The following THBS3 variants were observed in gnomAD, a reference collection of about 807,000 sequenced individuals.
THBS3 encodes thrombospondin 3.
THBS3 carries 78 observed loss-of-function variants against 118.3 expected under a neutral mutation model. The observed-to-expected ratio is 0.66, with a 90% confidence interval of 0.55 to 0.80. THBS3 has a LOEUF of 0.80. Among genes scored for constraint, THBS3 ranks in the 30% least tolerant of loss-of-function variants. THBS3 has a pLI of 0.00. For synonymous variants in THBS3, 427 were observed against 475.3 expected (o/e 0.90, Z 1.32); for missense variants, 1,057 against 1,247.4 (o/e 0.85, Z 2.30).
At chr1:155,208,557 G>A, upstream of THBS3, 1 of 458,496 alleles carries the variant, frequency 2.2e-6, no homozygotes, top group Non-Finnish European at 3.8e-6. Flanking sequence ...GAAGACCAGG[G>A]GTACAGGCGA....
chr1:155,200,277 G>A lies in THBS3; in HGVS notation c.1709-164C>T, dbSNP rs1234427338. The A allele has an allele frequency of 4.5e-5, 45 of 989,458 alleles. No individual in the cohort carries two copies. The South Asian group carries it at 4.6e-4, about 10-fold the overall frequency. The allele number at this position is 989,458 out of a possible 1,614,324, so 61.3% of individuals were successfully genotyped here. A position where few individuals can be genotyped will look rare whatever the true frequency, so the allele number is the denominator to read the frequency against. The stretch of plus-strand genomic sequence containing the variant: ...TAGTCCACACTCTGCCTAACACTAC[G>A]CCCTACCTCACATTCCTATTGACAT... On this transcript the variant is annotated intron_variant, in intron 14 of 22. Transcript: ENST00000368378.
At position 155,202,125 on chromosome 1, in the gene THBS3, C is replaced by G; in HGVS notation, c.1099-91G>C. ...CTGGTATGGCCTTATCTGTGAACAT[C>G]AACATTAAGCCCAGACCCAAAGCCG... On this transcript the variant is annotated intron_variant, in intron 9 of 22. Transcript: ENST00000368378. The surrounding 1 kb of genome is among the most constrained non-coding windows in gnomAD (Gnocchi z 5.5). The G allele has an allele frequency of 6.2e-7, 1 of 1,607,306 alleles. No homozygotes were observed. The highest frequency in any genetic ancestry group is 8.5e-7 in the Non-Finnish European group (1 of 1,175,586).
chr1:155,201,580 A>G lies in THBS3; in HGVS notation c.1177-11T>C. Reference sequence around the variant, plus strand: ...ACACTTGAAAGAGCCCTAAGAGTGGAGAGGCAGCATCTTAGGAAGGAGGGT... The same window carrying G: ...ACACTTGAAAGAGCCCTAAGAGTGGGGAGGCAGCATCTTAGGAAGGAGGGT... On this transcript the variant is annotated splice_polypyrimidine_tract_variant and intron_variant, in intron 10 of 22. Transcript: ENST00000368378. The G allele has an allele frequency of 6.2e-7, 1 of 1,612,438 alleles. No homozygotes were observed. The highest frequency in any genetic ancestry group is 1.7e-4 in the Middle Eastern group (1 of 6,060).
rs749913473 is a variant in THBS3, at chr1:155,200,467, G to A, written c.1692C>T (p.Asn564=). The A allele has an allele frequency of 4.4e-5, 71 of 1,613,984 alleles. No homozygotes were observed. In the East Asian group the frequency reaches 1.0e-3, roughly 24 times the overall value. Residue 564 remains asparagine (N), a synonymous_variant, in exon 14 of 23, where the codon AAC becomes AAT. Coordinates refer to ENST00000368378, the MANE Select transcript of THBS3 (RefSeq NM_007112.5). ...DGNGEGDACD[N]DVDGDGIPNG... is the part of the protein sequence containing the mutation. ...GGCCTGCACCATCCCCATCCACGTC[G>A]TTGTCACAGGCATCTCCTTCCCCAT...
chr1:155,203,485 C>T (rs140512182), intron 5 of THBS3, 28 bp downstream of exon 5: 10 of 1,612,844 alleles, frequency 6.2e-6, no homozygotes, highest in South Asian at 1.1e-5. Flanking sequence ...CCCCGCTCCC[C>T]GCTTCCGCTT....
Position 155,201,501 on chromosome 1 carries a change from G to A in THBS3, c.1245C>T (p.Ala415=). 2 of 1,613,766 alleles carry A rather than the reference G, an allele frequency of 1.2e-6. No homozygotes were observed. Among genetic ancestry groups the A allele is most frequent in the Middle Eastern group, 3.3e-4 (2 of 6,062 alleles). ...LGNQSQGCLP[A]RTCHSPAHSP... is the part of the protein sequence containing the mutation. ...TGTGGGCTGGGCTGTGGCAGGTCCG[G>A]GCTGGGAGGCAGCCCTGGCTCTGGT... The change falls in exon 11 of 23, where the codon GCC becomes GCT. Residue 415 remains alanine (A), a synonymous_variant. Transcript: ENST00000368378.
rs142608917 is a variant in THBS3 at position 155,202,392 on chromosome 1, C to T, written c.967G>A (p.Ala323Thr). 3.4e-5 allele frequency: 55 copies of T among 1,613,728 alleles called. No homozygotes were observed. Among genetic ancestry groups the T allele is most frequent in the African/African-American group, 1.6e-4 (12 of 74,918 alleles). The change falls in exon 9 of 23, where the codon GCT (alanine) becomes ACT (threonine). Residue 323 changes from alanine (A) to threonine (T), a missense_variant. Ala to Thr is a moderately conservative substitution (Grantham distance 58). This residue lies in a region of THBS3 where 544 missense variants were observed against 715.6 expected (regional missense o/e 0.76). Coordinates refer to ENST00000368378, the MANE Select transcript of THBS3 (RefSeq NM_007112.5). This position sits in a 1 kb window ranked among gnomAD's most constrained non-coding sequence, Gnocchi z 5.5. Reference protein sequence around the residue: ...HCSDINECAHADPCFPGSSCI... With the variant: ...HCSDINECAHTDPCFPGSSCI... ...CTGGAGCCCGGGAAACAGGGGTCAG[C>T]GTGAGCACACTGGGGACCAGATGAG...
At chr1:155,196,456 C>A (rs949609400) in intron 21 of THBS3, 2 of 351,864 alleles carry the variant, frequency 5.7e-6, no homozygotes, top group Non-Finnish European at 1.0e-5. Flanking sequence ...CTTTTATCCC[C>A]TGTCCTGGCA....
At chr1:155,208,852 C>CTTG (rs779029977), upstream of THBS3, 1 of 1,599,538 alleles carries the variant, frequency 6.3e-7, no homozygotes, top group South Asian at 1.1e-5. Flanking sequence ...GGACGAGCCC[C>CTTG]AAGGGGCCCT....
Position 155,196,017 on chromosome 1 carries a change from TTA to T in THBS3, c.2780_2781del (p.Ile927AsnfsTer11). 1 of 1,614,194 alleles carries T rather than the reference TTA, an allele frequency of 6.2e-7. No homozygotes were observed. The highest frequency in any genetic ancestry group is 8.5e-7 in the Non-Finnish European group (1 of 1,180,022). On this transcript the variant is annotated frameshift_variant, in exon 22 of 23. Coordinates refer to ENST00000368378, the MANE Select transcript of THBS3 (RefSeq NM_007112.5). LOFTEE classifies it high-confidence loss of function. Reference protein sequence around the residue: ...LGVFCFSQENIIWSNLQYRCN... With the variant: ...LGVFCFSQENXIWSNLQYRCN... ...CATCGATACTGGAGATTGGACCAAA[TTA>T]TGTTTTCTTGGGAGAAGCAGAATAC...
chr1:155,200,534 C>T lies in THBS3; in HGVS notation c.1625G>A (p.Cys542Tyr), dbSNP rs1669536529. Reference protein sequence around the residue: ...TDSFGDACDNCPNVPNNDQKD... With the variant: ...TDSFGDACDNYPNVPNNDQKD... ...CTGGTCATTGTTGGGAACGTTGGGG[C>T]AATTGTCACAGGCATCACCAAATGA... The change falls in exon 14 of 23, where the codon TGC becomes TAC. Residue 542 changes from cysteine to tyrosine, a missense_variant. Around this residue, in one of 3 missense-constraint regions of THBS3, gnomAD observed 544 missense variants for 715.6 expected, o/e 0.76. Transcript: ENST00000368378. 1 of 1,613,904 alleles carries T rather than the reference C, an allele frequency of 6.2e-7. No homozygotes were observed. The highest frequency in any genetic ancestry group is 1.3e-5 in the African/African-American group (1 of 74,888).
Position 155,201,203 on chromosome 1 carries a change from C to T in THBS3, c.1331G>A (p.Cys444Tyr). Reference sequence around the variant, plus strand: ...CCCATTCCCAGCCCAGCCCACGTTACACTAGGGCAACACAAAGGGTAGGAG... The same window carrying T: ...CCCATTCCCAGCCCAGCCCACGTTATACTAGGGCAACACAAAGGGTAGGAG... The part of the protein sequence containing the change: ...FERNGAVSCQ[C>Y]NVGWAGNGNV... The change falls in exon 12 of 23, where the codon TGT becomes TAT. Residue 444 changes from cysteine to tyrosine, a missense_variant and splice_region_variant. Physicochemically the swap from Cys to Tyr is radical, Grantham distance 194. This residue lies in a region of THBS3 where 544 missense variants were observed against 715.6 expected (regional missense o/e 0.76). Coordinates refer to ENST00000368378, the MANE Select transcript of THBS3 (RefSeq NM_007112.5). 1 of 1,614,106 alleles carries T rather than the reference C, an allele frequency of 6.2e-7. No homozygotes were observed. Among genetic ancestry groups the T allele is most frequent in the Non-Finnish European group, 8.5e-7 (1 of 1,180,024 alleles).
rs756915730 is a variant in THBS3, at chr1:155,197,245, C to A, written c.2500-32G>T. On this transcript the variant is annotated intron_variant, in intron 20 of 22. Coordinates refer to ENST00000368378, the MANE Select transcript of THBS3 (RefSeq NM_007112.5). This position sits in a 1 kb window ranked among gnomAD's most constrained non-coding sequence, Gnocchi z 5.0. Reference sequence around the variant, plus strand: ...GACATTGGCAAAGACAGTGGGTCAACTGCAGAACTGGAGTGAGGGGAGACA... The same window carrying A: ...GACATTGGCAAAGACAGTGGGTCAAATGCAGAACTGGAGTGAGGGGAGACA... 5 of 1,605,946 alleles carry A rather than the reference C, an allele frequency of 3.1e-6. No individual in the cohort carries two copies. Among genetic ancestry groups the A allele is most frequent in the Non-Finnish European group, 4.3e-6 (5 of 1,173,378 alleles).
chr1:155,197,186 C>T lies in THBS3; in HGVS notation c.2527G>A (p.Glu843Lys), dbSNP rs1668816520. 4 of 1,614,118 alleles carry T rather than the reference C, an allele frequency of 2.5e-6. No homozygotes were observed. The highest frequency in any genetic ancestry group is 1.3e-5 in the African/African-American group (1 of 75,040). The part of the protein sequence containing the change: ...KAVTSVSGPG[E>K]HLRNALWHTG... Reference sequence around the variant, plus strand: ...TGCCACAGGGCATTTCGGAGGTGCTCACCTGGGCCAGACACTGATGTCACT... The same window carrying T: ...TGCCACAGGGCATTTCGGAGGTGCTTACCTGGGCCAGACACTGATGTCACT... The change falls in exon 21 of 23, where the codon GAG (glutamate) becomes AAG (lysine). Residue 843 changes from glutamate to lysine, a missense_variant. Physicochemically the swap from Glu to Lys is moderately conservative, Grantham distance 56. Around this residue, in one of 3 missense-constraint regions of THBS3, gnomAD observed 307 missense variants for 326.1 expected, o/e 0.94. Transcript: ENST00000368378. This position sits in a 1 kb window ranked among gnomAD's most constrained non-coding sequence, Gnocchi z 5.0.
upstream of THBS3, among the ~76,000 whole-genome samples, chr1:155,208,333 G>T (rs919162968): frequency 6.6e-6 from 1 of 152,220 alleles, no homozygotes; most frequent in African/African-American, 2.4e-5. Flanking sequence ...ATGCCCACAT[G>T]GCATGAATTT....
rs768801703 is a variant in THBS3, at chr1:155,202,354, G to C, written c.1005C>G (p.Thr335=). The C allele has an allele frequency of 3.7e-6, 6 of 1,614,074 alleles. No individual in the cohort carries two copies. In the South Asian group the frequency reaches 5.5e-5, roughly 15 times the overall value. Residue 335 remains threonine (T), a synonymous_variant, in exon 9 of 23, where the codon ACC becomes ACG. Coordinates refer to ENST00000368378, the MANE Select transcript of THBS3 (RefSeq NM_007112.5). This position sits in a 1 kb window ranked among gnomAD's most constrained non-coding sequence, Gnocchi z 5.5. ...PCFPGSSCIN[T]MPGFHCEACP... Reference sequence around the variant, plus strand: ...AGGCCTCACAGTGGAAGCCGGGCATGGTGTTGATGCAGCTGGAGCCCGGGA... The same window carrying C: ...AGGCCTCACAGTGGAAGCCGGGCATCGTGTTGATGCAGCTGGAGCCCGGGA...
At position 155,202,980 on chromosome 1, in the gene THBS3, AG is replaced by A; in HGVS notation, c.809-21del. ...GGAAGCCTGAGGGGTGGACACAGTC[AG>A]AGCTACCCGGTGGTCACTATTTAAG... On this transcript the variant is annotated intron_variant, in intron 7 of 22. Coordinates refer to ENST00000368378, the MANE Select transcript of THBS3 (RefSeq NM_007112.5). The surrounding 1 kb of genome is among the most constrained non-coding windows in gnomAD (Gnocchi z 5.5). 1 of 1,613,858 alleles carries A rather than the reference AG, an allele frequency of 6.2e-7. No individual in the cohort carries two copies. The highest frequency in any genetic ancestry group is 1.1e-5 in the South Asian group (1 of 91,078).
At chr1:155,208,694 C>A (rs373663022), upstream of THBS3, 18 of 1,174,614 alleles carry the variant, frequency 1.5e-5, no homozygotes, top group Admixed American at 6.0e-5. Flanking sequence ...TCCCCTCCCC[C>A]ACCCAAGCCC....
Position 155,201,561 on chromosome 1 carries a change from G to T in THBS3, c.1185C>A (p.Phe395Leu), listed in dbSNP as rs1669730973. The T allele has an allele frequency of 6.2e-7, 1 of 1,613,806 alleles. No individual in the cohort carries two copies. The highest frequency in any genetic ancestry group is 1.3e-5 in the African/African-American group (1 of 74,934). The change falls in exon 11 of 23, where the codon TTC becomes TTA. Residue 395 changes from phenylalanine to leucine, a missense_variant. Coordinates refer to ENST00000368378, the MANE Select transcript of THBS3 (RefSeq NM_007112.5). ...AACCCAGGCGGCAGGGACCACACTT[G>T]AAAGAGCCCTAAGAGTGGAGAGGCA... ...NSICTNTVGSFKCGPCRLGFL... is the reference protein window; with the variant it reads ...NSICTNTVGSLKCGPCRLGFL...
Sources: allele counts gnomAD v4.1 joint callset (sites outside exome capture counted in the v4.1 genomes callset), GRCh38; gene constraint gnomAD v4.1.1; regional missense constraint gnomAD v4.1.1; non-coding constraint Gnocchi (gnomAD v3.1); transcripts MANE v1.5; gene names NCBI Gene and HGNC (gene_info 2026-07-23, HGNC 2026-07-21).